The following PDE5A variants were observed in gnomAD, a reference collection of about 807,000 sequenced individuals.
PDE5A encodes cGMP-specific 3',5'-cyclic phosphodiesterase.
In PDE5A, 67 loss-of-function variants were observed where a neutral mutation model predicts 110.2. The ratio of observed to expected loss-of-function variants is 0.61; its 90% CI spans 0.50 to 0.75. The LOEUF (loss-of-function observed/expected upper bound fraction) is 0.75, where lower values mean the gene tolerates loss of function less well. Among genes scored for constraint, PDE5A ranks in the 30% least tolerant of loss-of-function variants. The probability of loss-of-function intolerance (pLI) is 0.00; values close to 1 mark genes in which losing one functional copy is unlikely to be tolerated. For synonymous variants in PDE5A, 328 were observed against 351.2 expected, an observed-to-expected ratio of 0.93 and a Z score of 0.74; for missense variants, 862 against 1,045.1, an observed-to-expected ratio of 0.82 and a Z score of 2.42.
At chr4:119,504,215 TTC>T (rs1420811663) in intron 18 of PDE5A, among the ~76,000 whole-genome samples, 9 of 152,256 alleles carry the variant, frequency 5.9e-5, no homozygotes, top group African/African-American at 1.9e-4. Context: ...GATTTTCTGT[TTC>T]TGAGTTAGTT....
At chr4:119,614,155 G>C (rs1030101659) in intron 1 of PDE5A, among the ~76,000 whole-genome samples, 1 of 150,482 alleles carries the variant, frequency 6.6e-6, no homozygotes, top group Non-Finnish European at 1.5e-5. Context: ...GATTCTTAAG[G>C]ATAGTGTCCA....
At chr4:119,552,464 ATTC>A (rs1173167999) in intron 9 of PDE5A, 83 bp downstream of exon 9, 19 of 485,600 alleles carry the variant, frequency 3.9e-5, no homozygotes, top group Non-Finnish European at 6.7e-5. Flanking sequence ...AAAACATTTT[ATTC>A]TTTACATTTG....
intron 1 of PDE5A, among the ~76,000 whole-genome samples, chr4:119,613,191 C>T (rs999090785): frequency 6.6e-6 from 1 of 152,118 alleles, no homozygotes; most frequent in Non-Finnish European, 1.5e-5. Context: ...ATTTATTTAA[C>T]AGAGTTAGCA....
chr4:119,587,399 C>T (rs563542949), intron 3 of PDE5A, among the ~76,000 whole-genome samples: 88 of 144,916 alleles, frequency 6.1e-4, no homozygotes, highest in African/African-American at 2.1e-3. Flanking sequence ...TTTTTTGAGA[C>T]GGAGTCTCGC....
At chr4:119,572,171 G>A (rs559498239) in intron 3 of PDE5A, among the ~76,000 whole-genome samples, 2 of 152,228 alleles carry the variant, frequency 1.3e-5, no homozygotes, top group African/African-American at 2.4e-5. Context: ...ACGAGGCAGG[G>A]TATTCCTTTT....
intron 3 of PDE5A, among the ~76,000 whole-genome samples, chr4:119,568,174 T>C (rs1050968921): frequency 6.6e-6 from 1 of 152,064 alleles, no homozygotes; most frequent in Non-Finnish European, 1.5e-5. Flanking sequence ...AAAGGGATAT[T>C]AATTGTTTTT....
chr4:119,578,376 C>T (rs1337304521), intron 3 of PDE5A, among the ~76,000 whole-genome samples: 4 of 152,138 alleles, frequency 2.6e-5, no homozygotes, highest in East Asian at 1.9e-4. Flanking sequence ...GCCTGCATTG[C>T]GAAGTCAATC....
intron 14 of PDE5A, chr4:119,517,056 A>T (rs977687625): frequency 2.0e-5 from 3 of 152,200 alleles, no homozygotes; most frequent in African/African-American, 7.2e-5. Context: ...CAAATAATCA[A>T]ATGATGACTC....
At chr4:119,577,618 C>T (rs554638340) in intron 3 of PDE5A, among the ~76,000 whole-genome samples, 1 of 152,258 alleles carries the variant, frequency 6.6e-6, no homozygotes, top group African/African-American at 2.4e-5. Context: ...CAGAAAACGC[C>T]TTTGACAAAT....
intron 11 of PDE5A, among the ~76,000 whole-genome samples, chr4:119,528,378 T>C (rs1480919334): frequency 6.6e-6 from 1 of 152,156 alleles, no homozygotes; most frequent in Non-Finnish European, 1.5e-5. Context: ...GTGAGAGTTA[T>C]AAAAATATTT....
At chr4:119,605,464 TG>T (rs1330502525) in intron 2 of PDE5A, among the ~76,000 whole-genome samples, 9 of 151,950 alleles carry the variant, frequency 5.9e-5, no homozygotes, top group Non-Finnish European at 1.0e-4. Context: ...CTGGCCAACA[TG>T]GTGAAACTCC....
At chr4:119,593,222 T>C in intron 3 of PDE5A, among the ~76,000 whole-genome samples, 1 of 152,220 alleles carries the variant, frequency 6.6e-6, no homozygotes, top group East Asian at 1.9e-4. Context: ...TGCCCTCCTA[T>C]GTATTTACCC....
At chr4:119,507,494 A>C (rs1725593920) in intron 16 of PDE5A, 110 bp downstream of exon 16, 2 of 695,300 alleles carry the variant, frequency 2.9e-6, no homozygotes, top group Non-Finnish European at 4.8e-6. Context: ...TCTGATAAGC[A>C]GTTTTGCCAG....
At chr4:119,563,750 A>G (rs769518653) in intron 5 of PDE5A, among the ~76,000 whole-genome samples, 1 of 152,174 alleles carries the variant, frequency 6.6e-6, no homozygotes, top group African/African-American at 2.4e-5. Flanking sequence ...CTTTTGAAGC[A>G]GTTTCGACTG....
At chr4:119,533,802 T>C (rs183194635) in intron 11 of PDE5A, among the ~76,000 whole-genome samples, 31 of 152,284 alleles carry the variant, frequency 2.0e-4, no homozygotes, top group Admixed American at 1.8e-3. Context: ...TATGCATACA[T>C]TTATAAGAAA....
chr4:119,502,831 C>T (rs1032861911), intron 18 of PDE5A, among the ~76,000 whole-genome samples, 176 bp from the exon 19 acceptor site: 3 of 152,160 alleles, frequency 2.0e-5, no homozygotes, highest in Non-Finnish European at 4.4e-5. Flanking sequence ...TTAACTATTA[C>T]ATTATACTCT....
intron 9 of PDE5A, among the ~76,000 whole-genome samples, chr4:119,551,580 C>G (rs955046451): frequency 2.0e-5 from 3 of 152,174 alleles, no homozygotes; most frequent in Non-Finnish European, 4.4e-5. Context: ...GGTCAGAATA[C>G]TCGATGCACA....
rs1355531469 is a variant in PDE5A, at chr4:119,627,194, G to A, written c.152+1326C>T. The A allele has an allele frequency of 3.7e-6, 6 of 1,612,578 alleles. No individual in the cohort carries two copies. The highest frequency in any genetic ancestry group is 2.2e-5 in the East Asian group (1 of 44,766). ...GCAACATAGCAAACGTGGGAAGTTC[G>A]TTTTCGAACTCCGCCGATCCTGGAC... On this transcript the variant is annotated intron_variant, in intron 1 of 20. Coordinates refer to ENST00000354960, the MANE Select transcript of PDE5A (RefSeq NM_001083.4). This position sits in a 1 kb window ranked among gnomAD's most constrained non-coding sequence, Gnocchi z 4.6.
At chr4:119,528,277 TAAA>T (rs1480129140) in intron 11 of PDE5A, among the ~76,000 whole-genome samples, 1 of 151,864 alleles carries the variant, frequency 6.6e-6, no homozygotes, top group Non-Finnish European at 1.5e-5. Flanking sequence ...AATTAAAAAT[TAAA>T]AAAAATTCAA....
Sources: allele counts gnomAD v4.1 joint callset (sites outside exome capture counted in the v4.1 genomes callset), GRCh38; gene constraint gnomAD v4.1.1; non-coding constraint Gnocchi (gnomAD v3.1); transcripts MANE v1.5; gene names NCBI Gene and HGNC (gene_info 2026-07-23, HGNC 2026-07-21).